The following ASTN1 variants were observed in gnomAD, a reference collection of about 807,000 sequenced individuals.
ASTN1 encodes astrotactin-1.
Under a neutral mutation model 140.7 loss-of-function variants are expected in ASTN1, and 41 were observed. The ratio of observed to expected loss-of-function variants is 0.29; its 90% CI spans 0.23 to 0.38. The LOEUF (loss-of-function observed/expected upper bound fraction) is 0.38. ASTN1 is among the 10% of genes least tolerant of loss of function. The pLI is 1.00. For synonymous variants in ASTN1, 640 were observed against 652.2 expected (o/e 0.98, Z 0.29); for missense variants, 1,479 against 1,678.8 (o/e 0.88, Z 2.08).
At chr1:176,967,257 T>C (rs958126754) in intron 8 of ASTN1, among the ~76,000 whole-genome samples, 5 of 152,218 alleles carry the variant, frequency 3.3e-5, no homozygotes, top group Admixed American at 1.3e-4. Flanking sequence ...GTGTTTTTTA[T>C]GTTTGTTCAT....
In ASTN1 at chr1:177,061,219, C is replaced by T. The variant is rs777013989; in HGVS notation, c.330G>A (p.Gln110=). The T allele has an allele frequency of 2.5e-6, 4 of 1,602,264 alleles. No individual in the cohort carries two copies. The African/African-American group carries it at 5.4e-5, about 21-fold the overall frequency. The change falls in exon 2 of 23, where the codon CAG becomes CAA. Residue 110 remains glutamine (Q), a synonymous_variant. Coordinates refer to ENST00000361833, the MANE Select transcript of ASTN1 (RefSeq NM_004319.3). ...GCAAAGTGCCATTCTCCAGCCACTG[C>T]TGCCTCCAGCGCACCAAAGGGATAT... The part of the protein sequence containing the change: ...TEDIPLVRWR[Q]QWLENGTLLF...
At chr1:176,925,981 T>C (rs531036048) in intron 16 of ASTN1, among the ~76,000 whole-genome samples, 1 of 152,064 alleles carries the variant, frequency 6.6e-6, no homozygotes, top group South Asian at 2.1e-4. Flanking sequence ...AATTTTTTTG[T>C]ATTTTTTAGT....
chr1:177,009,600 C>T (rs1214295147), intron 8 of ASTN1, among the ~76,000 whole-genome samples: 3 of 152,116 alleles, frequency 2.0e-5, no homozygotes, highest in Admixed American at 6.5e-5. Context: ...ACAGTATGCA[C>T]CTGGGACAAT....
chr1:177,163,044 G>A (rs1337213858), intron 1 of ASTN1, among the ~76,000 whole-genome samples: 1 of 152,152 alleles, frequency 6.6e-6, no homozygotes, highest in South Asian at 2.1e-4. Context: ...GGGGAGTAGG[G>A]GTTTATTCAC....
Position 176,876,601 on chromosome 1 carries a change from G to A in ASTN1, c.3399C>T (p.Arg1133=), listed in dbSNP as rs1041500636. 6 of 1,614,156 alleles carry A rather than the reference G, an allele frequency of 3.7e-6. No individual in the cohort carries two copies. The highest frequency in any genetic ancestry group is 1.1e-5 in the South Asian group (1 of 91,080). ...TCACGATCACGTCGCTTGGCCTGGA[G>A]CGCCGTCCTGTGTTGTCCACTCCCC... ...TLWGVDNTGR[R]SRPSDVIVKT... Residue 1133 remains arginine, a synonymous_variant, in exon 21 of 23, where the codon CGC becomes CGT. Transcript: ENST00000361833.
intron 1 of ASTN1, among the ~76,000 whole-genome samples, chr1:177,121,077 G>T (rs1482624413): frequency 7.2e-6 from 1 of 138,192 alleles, no homozygotes; most frequent in African/African-American, 3.3e-5. Context: ...ATTGCTGCTG[G>T]TGATACATAT....
chr1:176,987,321 A>G (rs1179869954), intron 8 of ASTN1, among the ~76,000 whole-genome samples: 1 of 152,126 alleles, frequency 6.6e-6, no homozygotes, highest in East Asian at 1.9e-4. Flanking sequence ...ATATATGAAC[A>G]GGTATCACTG....
chr1:177,136,310 T>C lies in ASTN1; in HGVS notation c.283+28084A>G, dbSNP rs549824984. Among the ~76,000 whole-genome samples, 10 of 152,220 alleles carry C rather than the reference T, an allele frequency of 6.6e-5. No individual in the cohort carries two copies. In the East Asian group the frequency reaches 1.9e-3, roughly 29 times the overall value. Reference sequence around the variant, plus strand: ...AGTCTCTACATGTTTCAAAGTATCATGTGAAATATCGTAACTGTGTTTTTT... The same window carrying C: ...AGTCTCTACATGTTTCAAAGTATCACGTGAAATATCGTAACTGTGTTTTTT... On this transcript the variant is annotated intron_variant, in intron 1 of 22. Transcript: ENST00000361833.
intron 2 of ASTN1, among the ~76,000 whole-genome samples, chr1:177,058,978 G>A (rs982777472): frequency 3.9e-5 from 6 of 152,028 alleles, no homozygotes; most frequent in South Asian, 2.1e-4. Flanking sequence ...GCAGATTCTC[G>A]CACTATGCCC....
At chr1:177,068,151 A>T (rs1678457683) in intron 1 of ASTN1, among the ~76,000 whole-genome samples, 1 of 152,226 alleles carries the variant, frequency 6.6e-6, no homozygotes, top group South Asian at 2.1e-4. Context: ...GAAGATGTTC[A>T]GAGAACAATT....
At chr1:176,998,777 T>C (rs1430560954) in intron 8 of ASTN1, among the ~76,000 whole-genome samples, 1 of 152,188 alleles carries the variant, frequency 6.6e-6, no homozygotes, top group Non-Finnish European at 1.5e-5. Flanking sequence ...CCCACAAAAC[T>C]GCTTATCCAT....
chr1:176,892,586 T>TTA (rs1306034810), intron 17 of ASTN1, among the ~76,000 whole-genome samples: 2 of 152,206 alleles, frequency 1.3e-5, no homozygotes, highest in Non-Finnish European at 2.9e-5. Flanking sequence ...ACCTGGTTCA[T>TTA]TATATGGTTT....
intron 6 of ASTN1, 111 bp downstream of exon 6, chr1:177,024,472 C>G: frequency 7.3e-7 from 1 of 1,368,348 alleles, no homozygotes; most frequent in Non-Finnish European, 9.9e-7. Context: ...GTTTGGTTTT[C>G]CCCCGGTAGA....
At chr1:177,128,785 C>T (rs1283712296) in intron 1 of ASTN1, among the ~76,000 whole-genome samples, 5 of 152,090 alleles carry the variant, frequency 3.3e-5, no homozygotes, top group Non-Finnish European at 5.9e-5. Flanking sequence ...TTGGAGAAGT[C>T]GGTAGAATTA....
chr1:176,886,704 C>T (rs750431431), intron 18 of ASTN1, among the ~76,000 whole-genome samples: 5 of 152,202 alleles, frequency 3.3e-5, no homozygotes, highest in Non-Finnish European at 5.9e-5. Flanking sequence ...CTGTCCTGGC[C>T]CTTTAGTGCC....
At chr1:177,046,939 T>C (rs894678830) in intron 2 of ASTN1, among the ~76,000 whole-genome samples, 5 of 152,168 alleles carry the variant, frequency 3.3e-5, no homozygotes, top group Non-Finnish European at 7.4e-5. Context: ...CATTCAGCCA[T>C]TTAACCTCTT....
At chr1:176,981,779 G>A (rs1269681898) in intron 8 of ASTN1, 1 of 152,726 alleles carries the variant, frequency 6.5e-6, no homozygotes, top group African/African-American at 2.4e-5. Context: ...CTGTGCTAGG[G>A]AAGGGAGGAA....
rs372195241 is a variant in ASTN1 at position 176,957,846 on chromosome 1, G to A, written c.1737-18C>T. ...GCTCCTCTCTGTGGGGAGAAAGAGT[G>A]GGAAGCAGGGAGGAGTCAAGGAGAT... On this transcript the variant is annotated intron_variant, in intron 10 of 22. Coordinates refer to ENST00000361833, the MANE Select transcript of ASTN1 (RefSeq NM_004319.3). The A allele has an allele frequency of 3.7e-6, 6 of 1,611,492 alleles. No homozygotes were observed. Among genetic ancestry groups the A allele is most frequent in the African/African-American group, 1.3e-5 (1 of 74,842 alleles).
intron 14 of ASTN1, among the ~76,000 whole-genome samples, chr1:176,937,479 T>C (rs991142532): frequency 6.6e-6 from 1 of 152,182 alleles, no homozygotes; most frequent in African/African-American, 2.4e-5. Flanking sequence ...CTTAGTGATG[T>C]TATTAATGGG....
Sources: gnomAD v4.1 joint callset for allele counts (sites outside exome capture counted in the v4.1 genomes callset) on GRCh38, gnomAD v4.1.1 for gene constraint, MANE v1.5 for transcripts, NCBI Gene and HGNC (gene_info 2026-07-23, HGNC 2026-07-21) for gene names.